TAFA5: variants seen among roughly 807,000 people sequenced by gnomAD.
The protein encoded by TAFA5 is TAFA chemokine like family member 5.
Under a neutral mutation model 15.3 loss-of-function variants are expected in TAFA5, and 6 were observed. That is an observed-to-expected ratio of 0.39 (90% CI 0.21 to 0.77). TAFA5 has a LOEUF of 0.77. TAFA5 is among the 30% of genes least tolerant of loss of function. The probability of loss-of-function intolerance (pLI) is 0.41; values close to 1 mark genes in which losing one functional copy is unlikely to be tolerated. For missense variants in TAFA5, 161 were observed against 193.1 expected (o/e 0.83, Z 0.98); for synonymous variants, 103 against 80.7 (o/e 1.28, Z -1.48).
chr22:48,605,528 G>A (rs941221735), intron 1 of TAFA5, among the ~76,000 whole-genome samples: 2 of 151,892 alleles, frequency 1.3e-5, no homozygotes, highest in Non-Finnish European at 2.9e-5. Context: ...GGTGGTGATA[G>A]GGCCTACTTT....
chr22:48,628,822 C>T (rs547531012), intron 1 of TAFA5, among the ~76,000 whole-genome samples: 4 of 152,338 alleles, frequency 2.6e-5, no homozygotes, highest in East Asian at 1.9e-4. Context: ...TCAGACACAT[C>T]GGCGTGTTTG....
intron 3 of TAFA5, among the ~76,000 whole-genome samples, chr22:48,745,686 C>T (rs16999831): frequency 0.022 from 3,420 of 152,320 alleles, 153 homozygotes; most frequent in African/African-American, 0.078. Flanking sequence ...GGGGCAGCAG[C>T]GGTGCCTCCT....
chr22:48,676,563 G>A (rs1029335800), intron 2 of TAFA5, among the ~76,000 whole-genome samples: 2 of 152,238 alleles, frequency 1.3e-5, no homozygotes, highest in African/African-American at 4.8e-5. Flanking sequence ...CTCCAAGCCT[G>A]TGTGATGTCC....
intron 1 of TAFA5, among the ~76,000 whole-genome samples, chr22:48,495,052 G>A (rs78629745): frequency 0.044 from 6,626 of 152,278 alleles, 255 homozygotes; most frequent in African/African-American, 0.11. Context: ...CGGGACGGTG[G>A]GTCTGGGCCC....
chr22:48,652,209 A>T (rs935427867), intron 2 of TAFA5, among the ~76,000 whole-genome samples: 1 of 152,232 alleles, frequency 6.6e-6, no homozygotes, highest in Non-Finnish European at 1.5e-5. Flanking sequence ...GAGCGACGTG[A>T]ATCACCTGCT....
At chr22:48,697,537 A>C (rs1157756102) in intron 2 of TAFA5, among the ~76,000 whole-genome samples, 1 of 151,834 alleles carries the variant, frequency 6.6e-6, no homozygotes, top group Non-Finnish European at 1.5e-5. Flanking sequence ...GGTGACAACA[A>C]TGATAATCAT....
At chr22:48,539,237 C>T (rs1934398227) in intron 1 of TAFA5, 2 of 369,860 alleles carry the variant, frequency 5.4e-6, no homozygotes, top group Admixed American at 3.6e-5. Flanking sequence ...GAAATGAAGA[C>T]AGGACTGGCC....
Position 48,646,722 on chromosome 22 carries a change from A to G in TAFA5, c.238A>G (p.Arg80Gly). Residue 80 changes from arginine to glycine, a missense_variant, in exon 2 of 4, where the codon AGA becomes GGA. Coordinates refer to ENST00000402357, the MANE Select transcript of TAFA5 (RefSeq NM_001082967.3). ...CRKGQIAGTT[R>G]ARPACVDARI... ...AAAGGGGCAGATCGCCGGCACCACG[A>G]GAGCCCGGCCCGCCTGTGTGGACGG... 6.3e-7 allele frequency: 1 copy of G among 1,588,536 alleles called. No individual in the cohort carries two copies. The highest frequency in any genetic ancestry group is 8.5e-7 in the Non-Finnish European group (1 of 1,170,450).
chr22:48,517,595 G>T (rs1020175133), intron 1 of TAFA5, among the ~76,000 whole-genome samples: 1 of 152,182 alleles, frequency 6.6e-6, no homozygotes, highest in East Asian at 1.9e-4. Flanking sequence ...TCTGTCCCGC[G>T]TACGGGCATC....
At chr22:48,605,891 C>T (rs775875886) in intron 1 of TAFA5, among the ~76,000 whole-genome samples, 15 of 152,150 alleles carry the variant, frequency 9.9e-5, no homozygotes, top group Admixed American at 4.6e-4. Context: ...GGGCAGGTTC[C>T]GGGGAGCCCA....
chr22:48,651,871 C>T (rs1390546933), intron 2 of TAFA5, among the ~76,000 whole-genome samples: 1 of 152,084 alleles, frequency 6.6e-6, no homozygotes, highest in African/African-American at 2.4e-5. Context: ...TGGAGATGGT[C>T]CTGTCCTTGC....
chr22:48,562,787 C>T (rs569658495), intron 1 of TAFA5, among the ~76,000 whole-genome samples: 8 of 152,302 alleles, frequency 5.3e-5, no homozygotes, highest in African/African-American at 1.4e-4. Context: ...GCCCCTGACA[C>T]GGCTTCTCAT....
chr22:48,696,684 C>A (rs933978316), intron 2 of TAFA5, among the ~76,000 whole-genome samples: 1 of 152,242 alleles, frequency 6.6e-6, no homozygotes, highest in Admixed American at 6.5e-5. Flanking sequence ...CACCCCTTCA[C>A]CCCCATACCA....
chr22:48,653,420 AG>A (rs1369972364), intron 2 of TAFA5, among the ~76,000 whole-genome samples: 1 of 152,228 alleles, frequency 6.6e-6, no homozygotes, highest in Non-Finnish European at 1.5e-5. Context: ...AGGGCAGGGC[AG>A]GTGTGTCTGC....
intron 2 of TAFA5, among the ~76,000 whole-genome samples, chr22:48,660,937 TCA>T (rs1051204584): frequency 1.2e-3 from 82 of 67,274 alleles, no homozygotes; most frequent in African/African-American, 4.5e-3. Context: ...TGCTGGAATC[TCA>T]GAGTTAGGGT....
rs552857595 is a variant in TAFA5, at chr22:48,510,271, C to T, written c.112+20567C>T. 2.1e-3 allele frequency among the ~76,000 whole-genome samples: 324 copies of T among 152,124 alleles called. 1 individual carries two copies. The highest frequency in any genetic ancestry group is 6.6e-3 in the African/African-American group (272 of 41,512). ...GTGAAGAAGACACCTGTGGAATGGG[C>T]GAGAATATTTGCGGGTTCTTCCTCC... On this transcript the variant is annotated intron_variant, in intron 1 of 3. Coordinates refer to ENST00000402357, the MANE Select transcript of TAFA5 (RefSeq NM_001082967.3).
At chr22:48,603,211 C>T (rs751581914) in intron 1 of TAFA5, among the ~76,000 whole-genome samples, 1 of 152,254 alleles carries the variant, frequency 6.6e-6, no homozygotes, top group Non-Finnish European at 1.5e-5. Flanking sequence ...CCTCCTGTCT[C>T]CATACCCATG....
intron 2 of TAFA5, among the ~76,000 whole-genome samples, chr22:48,690,040 G>GGGTTT (rs1569080510): frequency 3.7e-5 from 4 of 109,272 alleles, no homozygotes; most frequent in African/African-American, 1.5e-4. Flanking sequence ...TGGGGGAGGT[G>GGGTTT]GGCTTGGCTG....
intron 1 of TAFA5, among the ~76,000 whole-genome samples, chr22:48,594,565 A>G (rs1056077481): frequency 1.8e-4 from 28 of 152,168 alleles, no homozygotes; most frequent in Non-Finnish European, 1.5e-4. Flanking sequence ...CAGTCCTCAG[A>G]GCAGCCCCGG....
Sources: allele counts gnomAD v4.1 joint callset (sites outside exome capture counted in the v4.1 genomes callset), GRCh38; gene constraint gnomAD v4.1.1; transcripts MANE v1.5; gene names NCBI Gene and HGNC (gene_info 2026-07-23, HGNC 2026-07-21).